CLSTN3: variants seen among roughly 807,000 people sequenced by gnomAD.
CLSTN3 encodes calsyntenin 3, also known as calsyntenin-3.
In CLSTN3, 36 loss-of-function variants were observed where a neutral mutation model predicts 95.9. The ratio of observed to expected loss-of-function variants is 0.38; its 90% CI spans 0.29 to 0.50. The LOEUF (loss-of-function observed/expected upper bound fraction) is 0.50, where lower values mean the gene tolerates loss of function less well. CLSTN3 is among the 20% of genes least tolerant of loss of function. The probability of loss-of-function intolerance (pLI) is 0.95; values close to 1 mark genes in which losing one functional copy is unlikely to be tolerated. For missense variants in CLSTN3, 1,084 were observed against 1,268.8 expected (o/e 0.85, Z 2.21); for synonymous variants, 481 against 504.0 (o/e 0.95, Z 0.61).
chr12:7,130,282 C>T (rs958721866), upstream of CLSTN3: 20 of 769,270 alleles, frequency 2.6e-5, no homozygotes, highest in African/African-American at 3.6e-4. Context: ...CATTGGCTCC[C>T]TCCCCCGCTG....
rs1192082447 is a variant in CLSTN3 at position 7,133,252 on chromosome 12, A to C, written c.187+106A>C. The C allele has an allele frequency of 6.9e-7, 1 of 1,447,456 alleles. No individual in the cohort carries two copies. The highest frequency in any genetic ancestry group is 9.4e-7 in the Non-Finnish European group (1 of 1,060,332). The allele number at this position is 1,447,456 out of a possible 1,614,324, so 89.7% of individuals were successfully genotyped here. A position where few individuals can be genotyped will look rare whatever the true frequency, so the allele number is the denominator to read the frequency against. ...AGGTCCTGGGAGTGATGAGAAAGTA[A>C]GGGAAGATAAAAGTGGGCTCAAGGA... is the stretch of plus-strand genomic sequence containing the variant. On this transcript the variant is annotated intron_variant, in intron 2 of 17. Transcript: ENST00000266546. The surrounding 1 kb of genome is among the most constrained non-coding windows in gnomAD (Gnocchi z 4.7).
Position 7,133,255 on chromosome 12 carries a change from GA to G in CLSTN3, c.187+111del. 2.1e-6 allele frequency: 3 copies of G among 1,421,826 alleles called. No homozygotes were observed. The highest frequency in any genetic ancestry group is 2.9e-6 in the Non-Finnish European group (3 of 1,039,618). 88.1% of individuals were successfully genotyped at this position (1,421,826 alleles called of 1,614,324 possible). ...TCCTGGGAGTGATGAGAAAGTAAGG[GA>G]AGATAAAAGTGGGCTCAAGGAGGGG... On this transcript the variant is annotated intron_variant, in intron 2 of 17. Coordinates refer to ENST00000266546, the MANE Select transcript of CLSTN3 (RefSeq NM_014718.4). The surrounding 1 kb of genome is among the most constrained non-coding windows in gnomAD (Gnocchi z 4.7).
At position 7,143,159 on chromosome 12, in the gene CLSTN3, C is replaced by T; in HGVS notation, c.1699-4C>T. On this transcript the variant is annotated splice_polypyrimidine_tract_variant and splice_region_variant and intron_variant, in intron 11 of 17. Coordinates refer to ENST00000266546, the MANE Select transcript of CLSTN3 (RefSeq NM_014718.4). The stretch of plus-strand genomic sequence containing the variant: ...TCTCAGCTGTATCTGTGTCTGGGGC[C>T]CAGGTCCACGTGAACCCCTCACAGT... 1 of 1,612,332 alleles carries T rather than the reference C, an allele frequency of 6.2e-7. No individual in the cohort carries two copies. The highest frequency in any genetic ancestry group is 1.1e-5 in the South Asian group (1 of 90,880).
rs376700576 is a variant in CLSTN3 at position 7,157,499 on chromosome 12, C to T, written c.2538C>T (p.Ser846=). The change falls in exon 17 of 18, where the codon AGC becomes AGT. Residue 846 remains serine, a synonymous_variant. Transcript: ENST00000266546. This position sits in a 1 kb window ranked among gnomAD's most constrained non-coding sequence, Gnocchi z 5.9. Reference sequence around the variant, plus strand: ...GCGCTCTCTCTGCAGTGATACCCAGCGCCGCAACCCTCATCATTGTGGTGT... The same window carrying T: ...GCGCTCTCTCTGCAGTGATACCCAGTGCCGCAACCCTCATCATTGTGGTGT... The part of the protein sequence containing the change: ...ASSHRNSMIP[S]AATLIIVVCV... 2.5e-5 allele frequency: 39 copies of T among 1,579,880 alleles called. No individual in the cohort carries two copies. Among genetic ancestry groups the T allele is most frequent in the Middle Eastern group, 1.7e-4 (1 of 5,898 alleles).
chr12:7,131,079 C>G (rs1338930120), intron 1 of CLSTN3: 1 of 413,574 alleles, frequency 2.4e-6, no homozygotes, highest in Non-Finnish European at 4.5e-6. Flanking sequence ...CCCCGCGGCT[C>G]TCCCTTTCAC....
intron 1 of CLSTN3, chr12:7,131,683 G>A: frequency 2.3e-6 from 1 of 438,864 alleles, no homozygotes; most frequent in East Asian, 7.0e-5. Context: ...CTGTGCAGAG[G>A]GCGCCCAGCC....
At chr12:7,145,378 C>T (rs1221715693) in intron 12 of CLSTN3, among the ~76,000 whole-genome samples, 1 of 151,050 alleles carries the variant, frequency 6.6e-6, no homozygotes, top group Non-Finnish European at 1.5e-5. Flanking sequence ...TGTGCGCGCG[C>T]ATTTGTGTGT....
At position 7,136,206 on chromosome 12, in the gene CLSTN3, G is replaced by T. The variant is rs747255044; in HGVS notation, c.743G>T (p.Gly248Val). 8 of 1,613,338 alleles carry T rather than the reference G, an allele frequency of 5.0e-6. No homozygotes were observed. The African/African-American group carries it at 8.0e-5, about 16-fold the overall frequency. ...VKPTCKPSWQ[G>V]WNKRIEYAPG... Reference sequence around the variant, plus strand: ...CACCCTCTCTGTCTCACCCATGCAGGCTGGAACAAAAGGATCGAATATGCA... The same window carrying T: ...CACCCTCTCTGTCTCACCCATGCAGTCTGGAACAAAAGGATCGAATATGCA... The change falls in exon 6 of 18, where the codon GGC becomes GTC. Residue 248 changes from glycine (G) to valine (V), a missense_variant and splice_region_variant. Transcript: ENST00000266546.
intron 6 of CLSTN3, 87 bp downstream of exon 6, chr12:7,136,478 C>T (rs924601275): frequency 6.4e-6 from 8 of 1,253,910 alleles, no homozygotes; most frequent in African/African-American, 6.0e-5. Flanking sequence ...TTTACATCAC[C>T]ACTGGCCATC....
Position 7,133,178 on chromosome 12 carries a change from T to C in CLSTN3, c.187+32T>C, listed in dbSNP as rs1939339499. 2.5e-6 allele frequency: 4 copies of C among 1,611,322 alleles called. No individual in the cohort carries two copies. In the East Asian group the frequency reaches 8.9e-5, roughly 36 times the overall value. Reference sequence around the variant, plus strand: ...GGGATTGGGGGATGGCAAGGCAGGGTAGGACAGAGAAAAGTGGGTGGGAGG... The same window carrying C: ...GGGATTGGGGGATGGCAAGGCAGGGCAGGACAGAGAAAAGTGGGTGGGAGG... On this transcript the variant is annotated intron_variant, in intron 2 of 17. Coordinates refer to ENST00000266546, the MANE Select transcript of CLSTN3 (RefSeq NM_014718.4). This position sits in a 1 kb window ranked among gnomAD's most constrained non-coding sequence, Gnocchi z 4.7.
At position 7,149,072 on chromosome 12, in the gene CLSTN3, C is replaced by T; in HGVS notation, c.1948C>T (p.His650Tyr). Residue 650 changes from histidine (H) to tyrosine (Y), a missense_variant, in exon 13 of 18, where the codon CAT becomes TAT. Physicochemically the swap from His to Tyr is moderately conservative, Grantham distance 83. Coordinates refer to ENST00000266546, the MANE Select transcript of CLSTN3 (RefSeq NM_014718.4). This position sits in a 1 kb window ranked among gnomAD's most constrained non-coding sequence, Gnocchi z 4.5. ...CCAGATCCTGCTGAGTGGCACTGCTCATTTTGCCCGCCCAGCTGTGGACTT... is the reference window on the plus strand; with the variant it reads ...CCAGATCCTGCTGAGTGGCACTGCTTATTTTGCCCGCCCAGCTGTGGACTT... ...APQILLSGTA[H>Y]FARPAVDFEG... The T allele has an allele frequency of 1.2e-6, 2 of 1,614,234 alleles. No individual in the cohort carries two copies. The highest frequency in any genetic ancestry group is 1.7e-5 in the Admixed American group (1 of 60,030).
chr12:7,147,920 C>T (rs901081642), intron 12 of CLSTN3, among the ~76,000 whole-genome samples: 11 of 152,102 alleles, frequency 7.2e-5, no homozygotes, highest in Middle Eastern at 3.4e-3. Flanking sequence ...TTTGGGAGGC[C>T]GAGACGGACA....
At chr12:7,134,169 G>C (rs148417946) in intron 3 of CLSTN3, among the ~76,000 whole-genome samples, 375 of 152,278 alleles carry the variant, frequency 2.5e-3, no homozygotes, top group African/African-American at 7.7e-3. Flanking sequence ...TGGGCATAAT[G>C]ATGAGGAGGA....
At chr12:7,152,482 G>C (rs962987745) in intron 16 of CLSTN3, among the ~76,000 whole-genome samples, 7 of 152,100 alleles carry the variant, frequency 4.6e-5, no homozygotes, top group African/African-American at 1.7e-4. Flanking sequence ...ACTCTCAAAG[G>C]CCATAGATCG....
intron 12 of CLSTN3, among the ~76,000 whole-genome samples, chr12:7,145,683 A>G (rs1347957873): frequency 1.3e-5 from 2 of 151,934 alleles, no homozygotes; most frequent in Non-Finnish European, 2.9e-5. Flanking sequence ...TTGACTTTCC[A>G]TCTGCTTCCT....
chr12:7,144,902 G>A (rs1939597546), intron 12 of CLSTN3, among the ~76,000 whole-genome samples: 3 of 152,270 alleles, frequency 2.0e-5, no homozygotes, highest in Admixed American at 6.5e-5. Context: ...AGGCAGTTGA[G>A]TTAATGTGGG....
intron 12 of CLSTN3, among the ~76,000 whole-genome samples, chr12:7,148,202 AAGAAAG>A (rs1207089445): frequency 8.3e-5 from 12 of 144,598 alleles, no homozygotes; most frequent in Admixed American, 2.0e-4. Flanking sequence ...GAAAGAAAGA[AAGAAAG>A]AAAGAAATGT....
rs926192786 is a variant in CLSTN3, at chr12:7,150,166, G to A, written c.2246-378G>A. On this transcript the variant is annotated intron_variant, in intron 14 of 17. Coordinates refer to ENST00000266546, the MANE Select transcript of CLSTN3 (RefSeq NM_014718.4). This position sits in a 1 kb window ranked among gnomAD's most constrained non-coding sequence, Gnocchi z 4.0. ...AGCCAGGAGGGAGAATGGAGAAGAT[G>A]GAGATAATCAGTTCCCTTCTATTTC... 2.6e-5 allele frequency among the ~76,000 whole-genome samples: 4 copies of A among 152,224 alleles called. No homozygotes were observed. The highest frequency in any genetic ancestry group is 5.9e-5 in the Non-Finnish European group (4 of 68,040).
rs1190637321 is a variant in CLSTN3, at chr12:7,130,660, G to C, written c.12G>C (p.Leu4=). ...CCCCACGCCGCACCATGACCCTCCT[G>C]CTGCTGCCCCTTCTGCTGGCCTCTC... The part of the protein sequence containing the change: MTL[L]LLPLLLASLL... Residue 4 remains leucine (L), a synonymous_variant, in exon 1 of 18, where the codon CTG becomes CTC. Transcript: ENST00000266546. The C allele has an allele frequency of 2.5e-6, 4 of 1,571,794 alleles. No individual in the cohort carries two copies. The East Asian group carries it at 9.2e-5, about 36-fold the overall frequency.
Sources: gnomAD v4.1 joint callset for allele counts (sites outside exome capture counted in the v4.1 genomes callset) on GRCh38, gnomAD v4.1.1 for gene constraint, Gnocchi (gnomAD v3.1) non-coding constraint, MANE v1.5 for transcripts, NCBI Gene and HGNC (gene_info 2026-07-23, HGNC 2026-07-21) for gene names.